AJAP1: variants seen among roughly 807,000 people sequenced by gnomAD.
The protein encoded by AJAP1 is adherens junctions associated protein 1, also known as adherens junction-associated protein 1.
In AJAP1, 5 loss-of-function variants were observed where a neutral mutation model predicts 35.0. That is an observed-to-expected ratio of 0.14 (90% CI 0.07 to 0.30). AJAP1 has a LOEUF of 0.30. Ranked by LOEUF, AJAP1 falls within the 10% of genes least tolerant of loss-of-function variation. The pLI is 1.00. For synonymous variants in AJAP1, 284 were observed against 249.3 expected (o/e 1.14, Z -1.31); for missense variants, 586 against 571.0 (o/e 1.03, Z -0.27).
At chr1:4,736,359 C>G (rs1259997580) in intron 2 of AJAP1, among the ~76,000 whole-genome samples, 1 of 152,208 alleles carries the variant, frequency 6.6e-6, no homozygotes, top group African/African-American at 2.4e-5. Context: ...GCCCGCTGCG[C>G]TGTGCGCAGC....
intron 1 of AJAP1, among the ~76,000 whole-genome samples, chr1:4,673,559 C>G (rs758198692): frequency 6.6e-6 from 1 of 152,188 alleles, no homozygotes; most frequent in South Asian, 2.1e-4. Context: ...CAGCTCTGCT[C>G]CAGCATGGGA....
intron 1 of AJAP1, among the ~76,000 whole-genome samples, chr1:4,684,011 G>A (rs1395676502): frequency 6.6e-6 from 1 of 152,172 alleles, no homozygotes; most frequent in African/African-American, 2.4e-5. Context: ...GGGGAGGAAG[G>A]AGATGGAGGA....
intron 1 of AJAP1, among the ~76,000 whole-genome samples, chr1:4,680,290 G>A (rs144322076): frequency 8.5e-5 from 13 of 152,268 alleles, no homozygotes; most frequent in South Asian, 2.1e-4. Flanking sequence ...TGGGCACCCC[G>A]TAGCCCAGTC....
chr1:4,669,670 G>C (rs1373288824), intron 1 of AJAP1, among the ~76,000 whole-genome samples: 1 of 152,182 alleles, frequency 6.6e-6, no homozygotes, highest in Non-Finnish European at 1.5e-5. Flanking sequence ...CATACAATAT[G>C]TAACCTTTTG....
chr1:4,780,539 A>G (rs1011103121), intron 5 of AJAP1, among the ~76,000 whole-genome samples: 1 of 151,570 alleles, frequency 6.6e-6, no homozygotes, highest in Non-Finnish European at 1.5e-5. Flanking sequence ...GGGGTGGGGC[A>G]CAGCTGGAGT....
rs1413921300 is a variant in AJAP1 at position 4,778,598 on chromosome 1, T to TCTCC, written c.*60-3944_*60-3943insCCTC. ...CTCTCTCTCTCTCTCTCTCTCTCTC[T>TCTCC]CTCTCTCTCTCTCTCTTCTCTCTGT... On this transcript the variant is annotated intron_variant, in intron 5 of 5. Coordinates refer to ENST00000378191, the MANE Select transcript of AJAP1 (RefSeq NM_018836.4). Among the ~76,000 whole-genome samples, 22 of 150,684 alleles carry TCTCC rather than the reference T, an allele frequency of 1.5e-4. No individual in the cohort carries two copies. In the South Asian group the frequency reaches 4.2e-3, roughly 29 times the overall value.
rs1023265848 is a variant in AJAP1, at chr1:4,729,350, G to A, written c.829+16651G>A. ...GCCTGGGGGTCCAGCTGGCCAGTGC[G>A]GGCTGCCCTGTGAGACTTGGAGCTG... On this transcript the variant is annotated intron_variant, in intron 2 of 5. Transcript: ENST00000378191. Among the ~76,000 whole-genome samples, 6 of 152,184 alleles carry A rather than the reference G, an allele frequency of 3.9e-5. No individual in the cohort carries two copies. The East Asian group carries it at 7.7e-4, about 20-fold the overall frequency.
At chr1:4,732,139 C>A (rs1442166434) in intron 2 of AJAP1, among the ~76,000 whole-genome samples, 1 of 152,252 alleles carries the variant, frequency 6.6e-6, no homozygotes, top group Non-Finnish European at 1.5e-5. Context: ...ATACAGGGAA[C>A]AGCTTTCAGC....
At chr1:4,660,225 A>G (rs1217327677) in intron 1 of AJAP1, among the ~76,000 whole-genome samples, 3 of 152,258 alleles carry the variant, frequency 2.0e-5, no homozygotes, top group Non-Finnish European at 2.9e-5. Flanking sequence ...ACTTTGGGGC[A>G]TGCCGGCCCT....
intron 2 of AJAP1, among the ~76,000 whole-genome samples, chr1:4,717,879 G>A (rs1557624245): frequency 2.0e-5 from 3 of 152,206 alleles, no homozygotes; most frequent in South Asian, 4.1e-4. Context: ...TAAATGCTGA[G>A]CCCATTTTAA....
At chr1:4,705,868 C>T (rs1009545442) in intron 1 of AJAP1, among the ~76,000 whole-genome samples, 17 of 152,002 alleles carry the variant, frequency 1.1e-4, no homozygotes, top group East Asian at 1.9e-4. Context: ...TGAAAACGGA[C>T]GCTAAGCTAA....
At chr1:4,735,409 G>A (rs963769123) in intron 2 of AJAP1, among the ~76,000 whole-genome samples, 4 of 152,186 alleles carry the variant, frequency 2.6e-5, no homozygotes, top group Middle Eastern at 3.2e-3. Flanking sequence ...TTGGGCCCCA[G>A]GTTTGGGACT....
Position 4,712,263 on chromosome 1 carries a change from CTCTTCG to C in AJAP1, c.396_401del (p.Ser138_Ser139del). The stretch of plus-strand genomic sequence containing the variant: ...CTGCCAAATCCAGCCCTTCCCTCGC[CTCTTCG>C]TCCTCGTCCTCGTCCTCCGCGGTGG... On this transcript the variant is annotated inframe_deletion, in exon 2 of 6. Coordinates refer to ENST00000378191, the MANE Select transcript of AJAP1 (RefSeq NM_018836.4). The C allele has an allele frequency of 6.6e-7, 1 of 1,523,200 alleles. No individual in the cohort carries two copies. The highest frequency in any genetic ancestry group is 8.8e-7 in the Non-Finnish European group (1 of 1,140,316). 94.4% of individuals were successfully genotyped at this position (1,523,200 alleles called of 1,614,324 possible).
chr1:4,770,452 C>T (rs913602813), intron 3 of AJAP1, among the ~76,000 whole-genome samples: 1 of 152,186 alleles, frequency 6.6e-6, no homozygotes, highest in Non-Finnish European at 1.5e-5. Context: ...CTGCCTTTGC[C>T]TATTTCCTCC....
intron 2 of AJAP1, among the ~76,000 whole-genome samples, chr1:4,733,585 T>G (rs1329623885): frequency 2.6e-5 from 4 of 151,552 alleles, no homozygotes; most frequent in African/African-American, 9.7e-5. Flanking sequence ...GCCGTCTTCC[T>G]GTCCTCAGAG....
At chr1:4,724,306 T>A (rs925049083) in intron 2 of AJAP1, among the ~76,000 whole-genome samples, 1 of 151,926 alleles carries the variant, frequency 6.6e-6, no homozygotes, top group African/African-American at 2.4e-5. Flanking sequence ...CAAGGGAGGA[T>A]TTCTGTCCCC....
chr1:4,711,981 C>A lies in AJAP1; in HGVS notation c.111C>A (p.Asp37Glu), dbSNP rs1236241949. 1.3e-6 allele frequency: 2 copies of A among 1,591,114 alleles called. No homozygotes were observed. The highest frequency in any genetic ancestry group is 2.3e-5 in the South Asian group (2 of 87,836). Residue 37 changes from aspartate to glutamate, a missense_variant, in exon 2 of 6, where the codon GAC becomes GAA. By Grantham distance (45) the Asp-to-Glu change is conservative. Coordinates refer to ENST00000378191, the MANE Select transcript of AJAP1 (RefSeq NM_018836.4). The stretch of plus-strand genomic sequence containing the variant: ...TAGCCATGTTTCAGCTCGCCGTGGA[C>A]CTGCCCGCCTGTGAGGCCCTGGGCC... Reference protein sequence around the residue: ...ILIAMFQLAVDLPACEALGPG... With the variant: ...ILIAMFQLAVELPACEALGPG...
rs70957905 is a variant in AJAP1, at chr1:4,783,471, GTATATATATATATATATATATATA to G, written c.*1002_*1025del. On this transcript the variant is annotated 3_prime_UTR_variant, in exon 6 of 6. Transcript: ENST00000378191. ...ATGCCAAGGTTTTATATATGTGTGTGTATATATATATATATATATATATATATATATATATATATGTTTGTGTGT... is the reference window on the plus strand; with the variant it reads ...ATGCCAAGGTTTTATATATGTGTGTGTATATATATATATATGTTTGTGTGT... 1.7e-5 allele frequency: 1 copy of G among 57,800 alleles called. No homozygotes were observed. The highest frequency in any genetic ancestry group is 3.3e-5 in the Non-Finnish European group (1 of 30,046). 3.6% of individuals were successfully genotyped at this position (57,800 alleles called of 1,614,324 possible).
intron 1 of AJAP1, among the ~76,000 whole-genome samples, chr1:4,680,056 C>T (rs186354082): frequency 6.6e-6 from 1 of 152,284 alleles, no homozygotes; most frequent in Admixed American, 6.5e-5. Flanking sequence ...GCTGATGTTT[C>T]CGTTTGAGTC....
Sources: allele counts gnomAD v4.1 joint callset (sites outside exome capture counted in the v4.1 genomes callset), GRCh38; gene constraint gnomAD v4.1.1; transcripts MANE v1.5; gene names NCBI Gene and HGNC (gene_info 2026-07-23, HGNC 2026-07-21).